The following ZNF407 variants were observed in gnomAD, a reference collection of about 807,000 sequenced individuals.
ZNF407 encodes the protein zinc finger protein 407.
Under a neutral mutation model 131.2 loss-of-function variants are expected in ZNF407, and 17 were observed. The observed-to-expected ratio is 0.13, with a 90% CI of 0.09 to 0.19. The LOEUF (loss-of-function observed/expected upper bound fraction) is 0.19. Among genes scored for constraint, ZNF407 ranks in the 10% least tolerant of loss-of-function variants. The probability of loss-of-function intolerance (pLI) is 1.00; values close to 1 mark genes in which losing one functional copy is unlikely to be tolerated. For synonymous variants in ZNF407, 1,156 were observed against 1,062.0 expected (o/e 1.09, Z -1.72); for missense variants, 2,681 against 2,830.6 (o/e 0.95, Z 1.20).
chr18:74,918,630 T>C (rs563442577), intron 7 of ZNF407, among the ~76,000 whole-genome samples: 1 of 152,286 alleles, frequency 6.6e-6, no homozygotes, highest in Non-Finnish European at 1.5e-5. Context: ...CTCAGGGAAA[T>C]GTAACACCCA....
intron 4 of ZNF407, among the ~76,000 whole-genome samples, chr18:74,849,535 C>T (rs898232135): frequency 2.0e-5 from 3 of 152,042 alleles, no homozygotes; most frequent in East Asian, 1.9e-4. Flanking sequence ...GGGTGGGGGA[C>T]GGGGAGTTGT....
At chr18:74,727,014 T>C (rs897251150) in intron 3 of ZNF407, among the ~76,000 whole-genome samples, 3 of 152,224 alleles carry the variant, frequency 2.0e-5, no homozygotes, top group Non-Finnish European at 4.4e-5. Flanking sequence ...CAGAATCATT[T>C]AATAAATCAT....
intron 1 of ZNF407, among the ~76,000 whole-genome samples, chr18:74,605,765 C>A (rs546946942): frequency 6.6e-6 from 1 of 152,226 alleles, no homozygotes; most frequent in South Asian, 2.1e-4. Flanking sequence ...TTATTATGAA[C>A]CCAGTAAGAT....
At chr18:74,781,576 C>G (rs1166925828) in intron 4 of ZNF407, 74 bp downstream of exon 4, 2 of 1,145,776 alleles carry the variant, frequency 1.7e-6, no homozygotes, top group Non-Finnish European at 2.4e-6. Context: ...AATGACATGA[C>G]TTCTAGACTT....
intron 3 of ZNF407, among the ~76,000 whole-genome samples, chr18:74,729,130 A>C (rs532843554): frequency 9.2e-5 from 14 of 152,206 alleles, no homozygotes; most frequent in Non-Finnish European, 1.8e-4. Flanking sequence ...TTTTATGGTC[A>C]GTACCCAGTG....
intron 3 of ZNF407, among the ~76,000 whole-genome samples, chr18:74,743,854 G>A (rs1391831099): frequency 1.3e-5 from 2 of 151,908 alleles, no homozygotes; most frequent in Non-Finnish European, 2.9e-5. Context: ...ATTGTGATGT[G>A]TTTTAGAGTT....
At chr18:74,963,907 T>G (rs1972378310) in intron 8 of ZNF407, among the ~76,000 whole-genome samples, 1 of 152,198 alleles carries the variant, frequency 6.6e-6, no homozygotes, top group Admixed American at 6.5e-5. Context: ...TATTTCTTAG[T>G]TGAGTTTGAA....
intron 3 of ZNF407, among the ~76,000 whole-genome samples, chr18:74,763,176 T>C (rs1337112359): frequency 6.7e-6 from 1 of 149,888 alleles, no homozygotes; most frequent in East Asian, 1.9e-4. Context: ...CCCTAATGAT[T>C]TTGAGCATCT....
chr18:75,012,640 G>A (rs1009170096), intron 8 of ZNF407, among the ~76,000 whole-genome samples: 2 of 151,016 alleles, frequency 1.3e-5, no homozygotes, highest in Non-Finnish European at 2.9e-5. Context: ...AACCCATCAC[G>A]CACCTTGGTA....
At chr18:74,983,711 C>G (rs1047585902) in intron 8 of ZNF407, among the ~76,000 whole-genome samples, 2 of 152,196 alleles carry the variant, frequency 1.3e-5, no homozygotes, top group Non-Finnish European at 2.9e-5. Context: ...TTTGGAGAAG[C>G]AGGATAGGCA....
intron 4 of ZNF407, among the ~76,000 whole-genome samples, chr18:74,874,576 C>T (rs1971130345): frequency 6.6e-6 from 1 of 152,122 alleles, no homozygotes; most frequent in South Asian, 2.1e-4. Flanking sequence ...TTGCCTCTAG[C>T]TCCGGGACTG....
At chr18:74,972,908 G>C (rs774880153) in intron 8 of ZNF407, among the ~76,000 whole-genome samples, 5 of 152,042 alleles carry the variant, frequency 3.3e-5, no homozygotes, top group Non-Finnish European at 5.9e-5. Flanking sequence ...AACAATCTCT[G>C]TTATTAAGTT....
intron 6 of ZNF407, among the ~76,000 whole-genome samples, chr18:74,881,341 C>T (rs1346170631): frequency 1.3e-5 from 2 of 152,104 alleles, no homozygotes; most frequent in East Asian, 3.8e-4. Flanking sequence ...AGCAGGTACC[C>T]TCAGTAAATT....
At chr18:74,626,258 T>C (rs1266811512) in intron 1 of ZNF407, among the ~76,000 whole-genome samples, 1 of 152,196 alleles carries the variant, frequency 6.6e-6, no homozygotes, top group African/African-American at 2.4e-5. Flanking sequence ...TATACATAGC[T>C]GCTAGCAATG....
At chr18:74,744,600 A>G (rs929649461) in intron 3 of ZNF407, among the ~76,000 whole-genome samples, 24 of 152,282 alleles carry the variant, frequency 1.6e-4, no homozygotes, top group Middle Eastern at 3.4e-3. Context: ...GTTTGTGGAC[A>G]GGACCAAAAT....
intron 4 of ZNF407, among the ~76,000 whole-genome samples, chr18:74,860,659 G>A (rs1394857200): frequency 6.6e-6 from 1 of 151,930 alleles, no homozygotes; most frequent in African/African-American, 2.4e-5. Context: ...TCATCAAACC[G>A]TACCAGTGTG....
At chr18:74,821,976 A>G (rs572288241) in intron 4 of ZNF407, among the ~76,000 whole-genome samples, 14 of 152,186 alleles carry the variant, frequency 9.2e-5, no homozygotes, top group Admixed American at 2.0e-4. Flanking sequence ...AACTGGTGTG[A>G]GATGGTACCT....
At chr18:74,841,311 C>G (rs1970629707) in intron 4 of ZNF407, among the ~76,000 whole-genome samples, 1 of 152,174 alleles carries the variant, frequency 6.6e-6, no homozygotes, top group South Asian at 2.1e-4. Flanking sequence ...ATTAGTTCCT[C>G]ACTCCACCCC....
At chr18:74,970,565 C>A (rs936012834) in intron 8 of ZNF407, among the ~76,000 whole-genome samples, 9 of 152,192 alleles carry the variant, frequency 5.9e-5, no homozygotes, top group Admixed American at 3.9e-4. Context: ...TTTAAAGGTC[C>A]AAAATGATCT....
Sources: gnomAD v4.1 joint callset for allele counts (sites outside exome capture counted in the v4.1 genomes callset) on GRCh38, gnomAD v4.1.1 for gene constraint, MANE v1.5 for transcripts, NCBI Gene and HGNC (gene_info 2026-07-23, HGNC 2026-07-21) for gene names.